The following ROBO1 variants were observed in gnomAD, a reference collection of about 807,000 sequenced individuals.
The protein encoded by ROBO1 is roundabout guidance receptor 1, also known as roundabout homolog 1.
Under a neutral mutation model 195.9 loss-of-function variants are expected in ROBO1, and 149 were observed. The ratio of observed to expected loss-of-function variants is 0.76; its 90% CI spans 0.67 to 0.87. The LOEUF is 0.87. Ranked by LOEUF, ROBO1 falls within the 40% of genes least tolerant of loss-of-function variation. ROBO1 has a pLI of 0.00. For synonymous variants in ROBO1, 816 were observed against 733.2 expected (o/e 1.11, Z -1.82); for missense variants, 1,933 against 2,068.3 (o/e 0.93, Z 1.27).
chr3:79,633,684 G>T (rs57384089), intron 1 of ROBO1, among the ~76,000 whole-genome samples: 2 of 151,488 alleles, frequency 1.3e-5, no homozygotes, highest in Non-Finnish European at 2.9e-5. Context: ...ATTCCTTGTT[G>T]TTCTTCAAGA....
At chr3:79,032,040 A>C (rs752020806) in intron 3 of ROBO1, among the ~76,000 whole-genome samples, 23 of 152,098 alleles carry the variant, frequency 1.5e-4, no homozygotes, top group Non-Finnish European at 2.8e-4. Context: ...GGACATATTC[A>C]ATGTATATAC....
intron 4 of ROBO1, among the ~76,000 whole-genome samples, chr3:78,916,478 G>A (rs2038597257): frequency 6.7e-6 from 1 of 150,336 alleles, no homozygotes; most frequent in South Asian, 2.1e-4. Flanking sequence ...CTTGAACCTG[G>A]GAGGCGGAGG....
chr3:78,927,334 C>A (rs1215151032), intron 4 of ROBO1, among the ~76,000 whole-genome samples: 1 of 152,184 alleles, frequency 6.6e-6, no homozygotes, highest in Non-Finnish European at 1.5e-5. Flanking sequence ...CACATCCAAA[C>A]CTGAGATACC....
chr3:79,141,371 T>G (rs1297782118), intron 2 of ROBO1, among the ~76,000 whole-genome samples: 1 of 152,106 alleles, frequency 6.6e-6, no homozygotes, highest in Non-Finnish European at 1.5e-5. Flanking sequence ...TTAACCACAG[T>G]CACGGTTTTG....
At chr3:79,025,276 G>A (rs1258342789) in intron 3 of ROBO1, among the ~76,000 whole-genome samples, 1 of 152,128 alleles carries the variant, frequency 6.6e-6, no homozygotes, top group Non-Finnish European at 1.5e-5. Flanking sequence ...GGCTTTATCT[G>A]TCCAGGTCCT....
chr3:78,987,000 T>A (rs1029319424), intron 3 of ROBO1, among the ~76,000 whole-genome samples: 8 of 152,088 alleles, frequency 5.3e-5, no homozygotes, highest in Non-Finnish European at 7.4e-5. Context: ...CAGTGCCTAT[T>A]TACAAACTTT....
intron 2 of ROBO1, among the ~76,000 whole-genome samples, chr3:79,294,013 G>A (rs1278449662): frequency 1.1e-4 from 14 of 127,156 alleles, no homozygotes; most frequent in Admixed American, 2.8e-4. Flanking sequence ...AGCCGAGATC[G>A]CGCCACTGCA....
intron 2 of ROBO1, among the ~76,000 whole-genome samples, chr3:79,424,423 CATATCATATATATAT>C (rs1195214233): frequency 9.0e-6 from 1 of 110,772 alleles, no homozygotes; most frequent in Non-Finnish European, 1.9e-5. Flanking sequence ...ATGAAAATAT[CATATCATATATATAT>C]ATATCATATA....
intron 2 of ROBO1, among the ~76,000 whole-genome samples, chr3:79,226,493 G>T (rs1166795496): frequency 2.0e-5 from 3 of 149,910 alleles, no homozygotes; most frequent in African/African-American, 7.4e-5. Context: ...AAAGACAATT[G>T]TATTTTTCCA....
intron 2 of ROBO1, among the ~76,000 whole-genome samples, chr3:79,460,306 T>C (rs960751351): frequency 3.3e-5 from 5 of 152,348 alleles, no homozygotes; most frequent in South Asian, 4.1e-4. Flanking sequence ...AAATGTGTTT[T>C]AAATTTACCA....
rs985233342 is a variant in ROBO1, at chr3:78,793,991, T to G, written c.500-47091A>C. Among the ~76,000 whole-genome samples, 94 of 152,306 alleles carry G rather than the reference T, an allele frequency of 6.2e-4. 1 individual carries two copies. The highest frequency in any genetic ancestry group is 2.2e-3 in the African/African-American group (91 of 41,568). ...CTCATCTAAAAAAATGAGAATCATG[T>G]TAATTAACTTTGTGACTTTTAAAAA... On this transcript the variant is annotated intron_variant, in intron 4 of 30. Transcript: ENST00000464233.
chr3:79,544,695 T>C (rs1394518701), intron 2 of ROBO1, among the ~76,000 whole-genome samples: 1 of 151,636 alleles, frequency 6.6e-6, no homozygotes, highest in Non-Finnish European at 1.5e-5. Flanking sequence ...TAATGAACAT[T>C]TTCAAGTTTG....
Position 78,859,607 on chromosome 3 carries a change from G to A in ROBO1, c.499+78994C>T, listed in dbSNP as rs117101237. Among the ~76,000 whole-genome samples the A allele has an allele frequency of 5.3e-5, 8 of 152,180 alleles. No homozygotes were observed. The East Asian group carries it at 9.7e-4, about 18-fold the overall frequency. The stretch of plus-strand genomic sequence containing the variant: ...CCAACTGAAAGGCCAAAGTGTTGAA[G>A]GTGTCACTGGGTGTTTAAATCTCCA... On this transcript the variant is annotated intron_variant, in intron 4 of 30. Transcript: ENST00000464233.
intron 8 of ROBO1, among the ~76,000 whole-genome samples, chr3:78,711,398 C>CCTTTCTTTCTTTCTTTCTTT (rs1235633066): frequency 5.0e-5 from 2 of 39,952 alleles, no homozygotes; most frequent in Non-Finnish European, 1.2e-4. Context: ...TTCCTTCCTT[C>CCTTTCTTTCTTTCTTTCTTT]CTTTCTTTCT....
chr3:79,268,568 C>T (rs1179454598), intron 2 of ROBO1, among the ~76,000 whole-genome samples: 1 of 151,556 alleles, frequency 6.6e-6, no homozygotes, highest in Admixed American at 6.6e-5. Flanking sequence ...ACGGTTTTAT[C>T]TCAAGATGGC....
At chr3:79,553,373 T>G (rs766877154) in intron 2 of ROBO1, among the ~76,000 whole-genome samples, 1 of 152,056 alleles carries the variant, frequency 6.6e-6, no homozygotes, top group Non-Finnish European at 1.5e-5. Flanking sequence ...AGATACTGAA[T>G]GTATATCATT....
At chr3:78,828,123 G>A (rs1576245199) in intron 4 of ROBO1, among the ~76,000 whole-genome samples, 1 of 152,322 alleles carries the variant, frequency 6.6e-6, no homozygotes, top group Non-Finnish European at 1.5e-5. Flanking sequence ...AGAAGTTTCA[G>A]TGTGGAAAGT....
At chr3:79,543,718 T>C (rs773076426) in intron 2 of ROBO1, among the ~76,000 whole-genome samples, 4 of 152,132 alleles carry the variant, frequency 2.6e-5, no homozygotes, top group Non-Finnish European at 4.4e-5. Context: ...ATCTCACTTG[T>C]GAAATCCTTC....
chr3:78,624,110 GT>G (rs1381375916), intron 26 of ROBO1, among the ~76,000 whole-genome samples: 3 of 152,062 alleles, frequency 2.0e-5, no homozygotes, highest in Non-Finnish European at 2.9e-5. Flanking sequence ...AGATAACAAC[GT>G]GAAAAAATGC....
Sources: gnomAD v4.1 joint callset for allele counts (sites outside exome capture counted in the v4.1 genomes callset) on GRCh38, gnomAD v4.1.1 for gene constraint, MANE v1.5 for transcripts, NCBI Gene and HGNC (gene_info 2026-07-23, HGNC 2026-07-21) for gene names.